Variants in TOX observed in about 807,000 individuals in gnomAD.
TOX encodes thymocyte selection associated high mobility group box.
TOX carries 11 observed loss-of-function variants against 53.7 expected under a neutral mutation model. That is an observed-to-expected ratio of 0.20 (90% confidence interval 0.13 to 0.34). The LOEUF (loss-of-function observed/expected upper bound fraction) is 0.34, where lower values mean the gene tolerates loss of function less well. Among genes scored for constraint, TOX ranks in the 10% least tolerant of loss-of-function variants. The pLI is 1.00. For missense variants in TOX, 570 were observed against 664.6 expected (o/e 0.86, Z 1.56); for synonymous variants, 225 against 245.3 (o/e 0.92, Z 0.77).
chr8:58,824,455 C>T (rs1810334803), intron 6 of TOX, among the ~76,000 whole-genome samples: 1 of 152,212 alleles, frequency 6.6e-6, no homozygotes, highest in Non-Finnish European at 1.5e-5. Context: ...AAACCACACT[C>T]TCTCCATTCA....
At chr8:59,087,526 C>T (rs139993185) in intron 1 of TOX, among the ~76,000 whole-genome samples, 8 of 152,184 alleles carry the variant, frequency 5.3e-5, no homozygotes, top group Non-Finnish European at 1.2e-4. Flanking sequence ...TCTGTCCCCC[C>T]CTTTACTCTG....
At chr8:59,065,078 G>A (rs773684645) in intron 1 of TOX, among the ~76,000 whole-genome samples, 1 of 152,084 alleles carries the variant, frequency 6.6e-6, no homozygotes, top group Admixed American at 6.5e-5. Context: ...AGCTAAACAC[G>A]CCAGCATATT....
chr8:59,076,700 C>T (rs1052849976), intron 1 of TOX, among the ~76,000 whole-genome samples: 1 of 152,122 alleles, frequency 6.6e-6, no homozygotes, highest in Non-Finnish European at 1.5e-5. Context: ...AATAAATAAT[C>T]TCATGTATGT....
chr8:59,113,152 C>G (rs1192952602), intron 1 of TOX, among the ~76,000 whole-genome samples: 3 of 152,138 alleles, frequency 2.0e-5, no homozygotes, highest in Middle Eastern at 3.2e-3. Flanking sequence ...TCAAGTGTAA[C>G]CCAACCTAAT....
chr8:58,836,976 T>C (rs1408828448), intron 5 of TOX, among the ~76,000 whole-genome samples: 1 of 152,200 alleles, frequency 6.6e-6, no homozygotes, highest in Non-Finnish European at 1.5e-5. Context: ...ATTTGGGTAA[T>C]AATTTCCCTG....
chr8:58,975,098 T>A (rs1199875485), intron 1 of TOX, among the ~76,000 whole-genome samples: 7 of 152,016 alleles, frequency 4.6e-5, no homozygotes, highest in African/African-American at 1.7e-4. Context: ...GTTGTACATA[T>A]ACACACATTA....
chr8:58,989,690 C>T (rs1813405046), intron 1 of TOX, among the ~76,000 whole-genome samples: 1 of 152,166 alleles, frequency 6.6e-6, no homozygotes, highest in East Asian at 1.9e-4. Flanking sequence ...TAAGTGTCCT[C>T]CAATTAGCTG....
At chr8:58,927,698 G>C (rs1339345942) in intron 3 of TOX, among the ~76,000 whole-genome samples, 1 of 152,154 alleles carries the variant, frequency 6.6e-6, no homozygotes, top group East Asian at 1.9e-4. Flanking sequence ...GATAGTATAA[G>C]AAAAACCCAG....
intron 2 of TOX, among the ~76,000 whole-genome samples, chr8:58,948,149 C>T (rs1812555517): frequency 6.6e-6 from 1 of 152,152 alleles, no homozygotes; most frequent in Non-Finnish European, 1.5e-5. Flanking sequence ...GGGACCTGGG[C>T]TGGGGGACCC....
At chr8:58,984,797 A>G (rs1813295767) in intron 1 of TOX, among the ~76,000 whole-genome samples, 1 of 151,258 alleles carries the variant, frequency 6.6e-6, no homozygotes, top group Non-Finnish European at 1.5e-5. Flanking sequence ...AAAAAAAAAA[A>G]AAAAAAAAAT....
At chr8:58,829,847 A>C (rs918101234) in intron 5 of TOX, among the ~76,000 whole-genome samples, 7 of 152,188 alleles carry the variant, frequency 4.6e-5, no homozygotes, top group African/African-American at 1.7e-4. Context: ...ATGTTTAAAA[A>C]TTATCAAAAA....
chr8:59,085,979 C>CTTTTTTTTTTTTTTTTTTTTTTTTTTTT (rs35593177), intron 1 of TOX, among the ~76,000 whole-genome samples: 2 of 88,836 alleles, frequency 2.3e-5, no homozygotes, highest in African/African-American at 4.4e-5. Flanking sequence ...CTTTTCTTTT[C>CTTTTTTTTTTTTTTTTTTTTTTTTTTTT]TTTTTTTTTT....
At chr8:59,081,228 TGTTGGCCAGG>T (rs1448470874) in intron 1 of TOX, among the ~76,000 whole-genome samples, 2 of 152,060 alleles carry the variant, frequency 1.3e-5, no homozygotes, top group African/African-American at 2.4e-5. Context: ...GGTTTCTCCA[TGTTGGCCAGG>T]GTGGTCTCAA....
intron 1 of TOX, among the ~76,000 whole-genome samples, chr8:59,049,869 G>C (rs1803757583): frequency 6.6e-6 from 1 of 152,114 alleles, no homozygotes. Flanking sequence ...CTCTCTTTTG[G>C]AATGTAGTCA....
At chr8:59,074,129 G>A (rs1466872440) in intron 1 of TOX, among the ~76,000 whole-genome samples, 2 of 152,120 alleles carry the variant, frequency 1.3e-5, no homozygotes, top group Non-Finnish European at 2.9e-5. Context: ...AAATCTGTCG[G>A]CAAACATGCT....
intron 1 of TOX, among the ~76,000 whole-genome samples, chr8:59,114,444 A>G (rs1310415007): frequency 6.6e-6 from 1 of 152,208 alleles, no homozygotes; most frequent in Non-Finnish European, 1.5e-5. Flanking sequence ...TTTAGTGGCC[A>G]AAAAACCATG....
chr8:58,945,320 C>T (rs1286719610), intron 2 of TOX, among the ~76,000 whole-genome samples: 2 of 152,214 alleles, frequency 1.3e-5, no homozygotes, highest in East Asian at 3.8e-4. Flanking sequence ...GGTCAAATTG[C>T]TAATTAGAGG....
chr8:58,906,781 C>T (rs1303121120), intron 3 of TOX, among the ~76,000 whole-genome samples: 1 of 152,156 alleles, frequency 6.6e-6, no homozygotes, highest in African/African-American at 2.4e-5. Context: ...TTTAAAAAGG[C>T]ATTAGCCAGG....
intron 5 of TOX, among the ~76,000 whole-genome samples, chr8:58,835,624 G>A (rs995219375): frequency 6.6e-6 from 1 of 152,138 alleles, no homozygotes; most frequent in Non-Finnish European, 1.5e-5. Context: ...TTCATCATAA[G>A]AACATTATTC....
Sources: gnomAD v4.1 joint callset for allele counts (sites outside exome capture counted in the v4.1 genomes callset) on GRCh38, gnomAD v4.1.1 for gene constraint, MANE v1.5 for transcripts, NCBI Gene and HGNC (gene_info 2026-07-23, HGNC 2026-07-21) for gene names.